SV2C: variants seen among roughly 807,000 people sequenced by gnomAD.
SV2C encodes synaptic vesicle glycoprotein 2C.
A neutral mutation model predicts 79.7 loss-of-function variants in SV2C; 49 were observed. The observed-to-expected ratio is 0.61, with a 90% CI of 0.49 to 0.78. The LOEUF (loss-of-function observed/expected upper bound fraction) is 0.78. SV2C is among the 30% of genes least tolerant of loss of function. The pLI, the probability that SV2C is intolerant of heterozygous loss-of-function variation, is 0.00. For synonymous variants in SV2C, 334 were observed against 333.2 expected (o/e 1.00, Z -0.03); for missense variants, 833 against 912.9 (o/e 0.91, Z 1.13).
chr5:76,081,034 A>G (rs919400863), upstream of SV2C, among the ~76,000 whole-genome samples: 1 of 152,196 alleles, frequency 6.6e-6, no homozygotes, highest in African/African-American at 2.4e-5. Context: ...AGCCTTTTCC[A>G]GTGCAACCTG....
chr5:76,000,000 G>A, the SV2C span, among the ~76,000 whole-genome samples: 1 of 152,074 alleles, frequency 6.6e-6, no homozygotes, highest in Admixed American at 6.6e-5. Context: ...TTGCATTGAG[G>A]ATTAAGCTCC....
At chr5:76,019,911 G>T in the SV2C span, among the ~76,000 whole-genome samples, 23 of 152,238 alleles carry the variant, frequency 1.5e-4, no homozygotes, top group Admixed American at 1.3e-3. Flanking sequence ...TAGTGGAATT[G>T]CTCTAAGTGT....
At chr5:76,197,439 A>T (rs1294604272) in intron 3 of SV2C, among the ~76,000 whole-genome samples, 1 of 152,176 alleles carries the variant, frequency 6.6e-6, no homozygotes, top group Non-Finnish European at 1.5e-5. Flanking sequence ...GGGAGAAAAC[A>T]TGGCAAGTAA....
At chr5:76,098,256 TC>T (rs1481189279) in intron 1 of SV2C, among the ~76,000 whole-genome samples, 3 of 152,208 alleles carry the variant, frequency 2.0e-5, no homozygotes, top group African/African-American at 7.2e-5. Flanking sequence ...AGTGGGAGCC[TC>T]CTGACTTGCT....
chr5:76,223,536 T>C (rs2112383625), intron 4 of SV2C, among the ~76,000 whole-genome samples: 1 of 144,020 alleles, frequency 6.9e-6, no homozygotes, highest in Non-Finnish European at 1.5e-5. Context: ...CTGAAGAGGT[T>C]TTTTACATCA....
chr5:76,179,351 G>A (rs1743647385), intron 2 of SV2C, among the ~76,000 whole-genome samples: 1 of 152,214 alleles, frequency 6.6e-6, no homozygotes, highest in Non-Finnish European at 1.5e-5. Flanking sequence ...TTAGGTTTCA[G>A]AGCAGAAAAC....
At chr5:76,285,036 T>A (rs913486202) in intron 4 of SV2C, 126 bp from the exon 5 acceptor site, 16 of 1,343,636 alleles carry the variant, frequency 1.2e-5, no homozygotes, top group Non-Finnish European at 1.4e-5. Flanking sequence ...GATGCCCAGA[T>A]CAGCTCACTG....
chr5:75,900,731 G>A, the SV2C span, among the ~76,000 whole-genome samples: 1 of 152,166 alleles, frequency 6.6e-6, no homozygotes, highest in Non-Finnish European at 1.5e-5. Context: ...CCAATCAGAT[G>A]TAGATTTGGT....
chr5:76,326,533 G>A lies in SV2C; in HGVS notation c.*986G>A, dbSNP rs1035282510. 3 of 152,164 alleles carry A rather than the reference G, an allele frequency of 2.0e-5. No homozygotes were observed. Among genetic ancestry groups the A allele is most frequent in the African/African-American group, 4.8e-5 (2 of 41,438 alleles). The allele number at this position is 152,164 out of a possible 1,614,324, so 9.4% of individuals were successfully genotyped here. On this transcript the variant is annotated 3_prime_UTR_variant, in exon 13 of 13. Coordinates refer to ENST00000502798, the MANE Select transcript of SV2C (RefSeq NM_014979.4). The stretch of plus-strand genomic sequence containing the variant: ...CAGAGCCATTTGGAAATACAAAATG[G>A]TACCTCTTTCCAGTACCTCTTTGCT...
the SV2C span, among the ~76,000 whole-genome samples, chr5:76,058,839 T>C: frequency 6.6e-6 from 1 of 152,120 alleles, no homozygotes; most frequent in Non-Finnish European, 1.5e-5. Context: ...TAAAACTCTA[T>C]TATAATAGCC....
At chr5:75,994,675 G>A in the SV2C span, among the ~76,000 whole-genome samples, 1 of 152,080 alleles carries the variant, frequency 6.6e-6, no homozygotes, top group African/African-American at 2.4e-5. Context: ...CTCCAGAAAG[G>A]ATTTAAGGTG....
intron 2 of SV2C, among the ~76,000 whole-genome samples, chr5:76,182,949 G>A (rs1045538384): frequency 3.8e-5 from 3 of 79,050 alleles, no homozygotes; most frequent in Admixed American, 1.5e-4. Flanking sequence ...GTGAGAGAGA[G>A]AGAGAGAGAC....
the SV2C span, among the ~76,000 whole-genome samples, chr5:75,857,089 C>T: frequency 1.3e-5 from 2 of 151,652 alleles, no homozygotes; most frequent in East Asian, 3.9e-4. Flanking sequence ...TCCCAAGTAG[C>T]TGGGACTACA....
In SV2C at chr5:76,232,096, C is replaced by T. The variant is rs1425845349; in HGVS notation, c.913+22209C>T. Among the ~76,000 whole-genome samples the T allele has an allele frequency of 2.7e-5, 4 of 149,690 alleles. No individual in the cohort carries two copies. The East Asian group carries it at 7.7e-4, about 29-fold the overall frequency. On this transcript the variant is annotated intron_variant, in intron 4 of 12. Coordinates refer to ENST00000502798, the MANE Select transcript of SV2C (RefSeq NM_014979.4). ...CTATTTCTCCACATCCTCTCCAGCA[C>T]CTGTTGTTTCCTCACTTTTTAATGA...
intron 1 of SV2C, among the ~76,000 whole-genome samples, chr5:76,121,370 T>G (rs62363469): frequency 0.23 from 34,995 of 151,388 alleles, 4,397 homozygotes; most frequent in South Asian, 0.41. Context: ...CTCTTTAGTT[T>G]AATTAGATCC....
the SV2C span, among the ~76,000 whole-genome samples, chr5:75,987,417 A>G: frequency 0.053 from 8,074 of 151,984 alleles, 251 homozygotes; most frequent in South Asian, 0.15. Context: ...ATTCAGGTAC[A>G]ACATCTATCT....
At chr5:75,972,402 G>A in the SV2C span, among the ~76,000 whole-genome samples, 1 of 152,010 alleles carries the variant, frequency 6.6e-6, no homozygotes, top group Non-Finnish European at 1.5e-5. Flanking sequence ...CCTACAAAAT[G>A]GGAGAACATT....
At chr5:76,259,504 T>C (rs1746396002) in intron 4 of SV2C, among the ~76,000 whole-genome samples, 2 of 152,286 alleles carry the variant, frequency 1.3e-5, no homozygotes, top group South Asian at 2.1e-4. Flanking sequence ...CATAGGTATA[T>C]GTGTGCCATG....
chr5:76,291,738 T>A (rs1747572081), intron 7 of SV2C, 30 bp from the exon 8 acceptor site: 1 of 1,539,814 alleles, frequency 6.5e-7, no homozygotes, highest in Admixed American at 1.7e-5. Flanking sequence ...AGTAACTGCA[T>A]GAGAAAACTA....
Sources: allele counts gnomAD v4.1 joint callset (sites outside exome capture counted in the v4.1 genomes callset), GRCh38; gene constraint gnomAD v4.1.1; transcripts MANE v1.5; gene names NCBI Gene and HGNC (gene_info 2026-07-23, HGNC 2026-07-21).